ATXN7: variants seen among roughly 807,000 people sequenced by gnomAD.
ATXN7 encodes the protein ataxin-7.
In ATXN7, 12 loss-of-function variants were observed where a neutral mutation model predicts 70.5. The ratio of observed to expected loss-of-function variants is 0.17; its 90% CI spans 0.11 to 0.28. The LOEUF is 0.28. Among genes scored for constraint, ATXN7 ranks in the 10% least tolerant of loss-of-function variants. ATXN7 has a pLI of 1.00. For synonymous variants in ATXN7, 498 were observed against 448.7 expected, an observed-to-expected ratio of 1.11 and a Z score of -1.39; for missense variants, 1,256 against 1,131.7, an observed-to-expected ratio of 1.11 and a Z score of -1.58.
At chr3:63,933,041 G>C (rs989561935) in intron 4 of ATXN7, among the ~76,000 whole-genome samples, 1 of 152,188 alleles carries the variant, frequency 6.6e-6, no homozygotes, top group African/African-American at 2.4e-5. Context: ...TTTATTTGCA[G>C]TAGTGATGCT....
intron 5 of ATXN7, among the ~76,000 whole-genome samples, chr3:63,966,771 C>T (rs2075230763): frequency 6.6e-6 from 1 of 152,178 alleles, no homozygotes; most frequent in Admixed American, 6.5e-5. Context: ...AAATCATTTC[C>T]ACATATGTAA....
chr3:63,944,118 A>G (rs1044440626), intron 4 of ATXN7, among the ~76,000 whole-genome samples: 3 of 152,156 alleles, frequency 2.0e-5, no homozygotes, highest in Non-Finnish European at 4.4e-5. Context: ...TTAAGCTCAC[A>G]TTGTGAAATA....
intron 4 of ATXN7, among the ~76,000 whole-genome samples, chr3:63,915,039 G>A (rs924136019): frequency 1.3e-5 from 2 of 151,672 alleles, no homozygotes; most frequent in South Asian, 4.1e-4. Flanking sequence ...AGGTTCAAGC[G>A]ATTCTCCTGC....
intron 1 of ATXN7, among the ~76,000 whole-genome samples, chr3:63,895,025 A>G (rs1703399816): frequency 6.6e-6 from 1 of 152,154 alleles, no homozygotes; most frequent in Non-Finnish European, 1.5e-5. Context: ...CTTTCCTTGT[A>G]GGACTAATTT....
chr3:63,904,895 T>C (rs975868029), intron 2 of ATXN7: 4 of 152,240 alleles, frequency 2.6e-5, no homozygotes, highest in African/African-American at 9.6e-5. Context: ...CTAACACTCT[T>C]CATTTTCTGT....
At chr3:63,975,125 C>T (rs1397682392) in intron 5 of ATXN7, among the ~76,000 whole-genome samples, 5 of 152,124 alleles carry the variant, frequency 3.3e-5, no homozygotes, top group Non-Finnish European at 7.3e-5. Context: ...CTTAGTATAT[C>T]GGTGGCTTTG....
At chr3:63,929,517 T>C (rs6809474) in intron 4 of ATXN7, among the ~76,000 whole-genome samples, 63,599 of 151,976 alleles carry the variant, frequency 0.42, 15,216 homozygotes, top group African/African-American at 0.66. Context: ...GTGATGCGCC[T>C]GCCTCTGCTT....
intron 2 of ATXN7, among the ~76,000 whole-genome samples, chr3:63,910,478 G>A (rs1019045158): frequency 8.5e-5 from 13 of 152,130 alleles, no homozygotes; most frequent in African/African-American, 3.1e-4. Flanking sequence ...GAAAACAGAG[G>A]TTGGGTGTTT....
At chr3:63,938,719 G>T (rs1329159639) in intron 4 of ATXN7, among the ~76,000 whole-genome samples, 1 of 152,218 alleles carries the variant, frequency 6.6e-6, no homozygotes, top group Admixed American at 6.5e-5. Flanking sequence ...GAGTCTGATT[G>T]ATTTGAATTG....
chr3:63,966,802 T>A (rs115267152), intron 5 of ATXN7, among the ~76,000 whole-genome samples: 29 of 152,308 alleles, frequency 1.9e-4, no homozygotes, highest in African/African-American at 7.0e-4. Context: ...TTGCCAAATA[T>A]TCTGTATGGG....
rs2075494197 is a variant in ATXN7 at position 63,981,960 on chromosome 3, A to G, written c.753-226A>G. Among the ~76,000 whole-genome samples, 5 of 152,310 alleles carry G rather than the reference A, an allele frequency of 3.3e-5. No individual in the cohort carries two copies. The South Asian group carries it at 6.2e-4, about 19-fold the overall frequency. ...GTAAAATTTTTTGAAATGATGAAAG[A>G]CCAGGCAAATTTGATGGTCCACTGA... On this transcript the variant is annotated intron_variant, in intron 6 of 12. Transcript: ENST00000674280.
At chr3:63,987,776 C>G (rs1408519635) in intron 8 of ATXN7, among the ~76,000 whole-genome samples, 1 of 152,012 alleles carries the variant, frequency 6.6e-6, no homozygotes, top group African/African-American at 2.4e-5. Flanking sequence ...CTAATGGTTG[C>G]TCTTAGTTAC....
intron 5 of ATXN7, among the ~76,000 whole-genome samples, chr3:63,957,297 TGTTGGCTG>T (rs2075056058): frequency 6.6e-6 from 1 of 152,242 alleles, no homozygotes; most frequent in Non-Finnish European, 1.5e-5. Flanking sequence ...CCTACTCAGA[TGTTGGCTG>T]TTTAAGTATT....
chr3:63,995,381 G>A, intron 11 of ATXN7, 124 bp from the exon 12 acceptor site: 1 of 1,072,770 alleles, frequency 9.3e-7, no homozygotes, highest in East Asian at 2.5e-5. Flanking sequence ...TGGCTTTGTA[G>A]TTCAGAGTGA....
At chr3:63,943,659 G>A (rs771330630) in intron 4 of ATXN7, among the ~76,000 whole-genome samples, 1 of 152,160 alleles carries the variant, frequency 6.6e-6, no homozygotes, top group Non-Finnish European at 1.5e-5. Flanking sequence ...GCAGGGCTGG[G>A]ATTTGAACAC....
intron 5 of ATXN7, among the ~76,000 whole-genome samples, chr3:63,963,867 T>C (rs565136249): frequency 2.3e-4 from 35 of 152,216 alleles, no homozygotes; most frequent in Middle Eastern, 3.4e-3. Flanking sequence ...TGGGATAGAG[T>C]CTCAGGAAGG....
At chr3:63,918,331 A>G (rs902369392) in intron 4 of ATXN7, among the ~76,000 whole-genome samples, 3 of 152,206 alleles carry the variant, frequency 2.0e-5, no homozygotes, top group African/African-American at 7.2e-5. Flanking sequence ...TTTGTGAAGT[A>G]TTTTACTGTT....
At chr3:63,913,065 G>A (rs1450132161) in intron 3 of ATXN7, 92 bp from the exon 4 acceptor site, 3 of 1,498,466 alleles carry the variant, frequency 2.0e-6, no homozygotes, top group East Asian at 2.3e-5. Flanking sequence ...ACGCGGAGGT[G>A]CCCACACCTA....
intron 4 of ATXN7, among the ~76,000 whole-genome samples, chr3:63,950,556 G>T (rs1189928264): frequency 2.0e-5 from 3 of 152,148 alleles, no homozygotes; most frequent in African/African-American, 2.4e-5. Flanking sequence ...TACCAGTTCT[G>T]TAATTTAGAT....
Sources: allele counts gnomAD v4.1 joint callset (sites outside exome capture counted in the v4.1 genomes callset), GRCh38; gene constraint gnomAD v4.1.1; transcripts MANE v1.5; gene names NCBI Gene and HGNC (gene_info 2026-07-23, HGNC 2026-07-21).